Variants in RIMS2 observed in about 807,000 individuals in gnomAD.
RIMS2 encodes the protein regulating synaptic membrane exocytosis protein 2.
Under a neutral mutation model 174.4 loss-of-function variants are expected in RIMS2, and 59 were observed. That is an observed-to-expected ratio of 0.34 (90% CI 0.27 to 0.42). RIMS2 has a LOEUF of 0.42. RIMS2 is among the 10% of genes least tolerant of loss of function. RIMS2 has a pLI of 1.00. For synonymous variants in RIMS2, 606 were observed against 572.5 expected (o/e 1.06, Z -0.84); for missense variants, 1,620 against 1,666.3 (o/e 0.97, Z 0.48).
At chr8:103,996,328 G>A (rs2095096402) in intron 17 of RIMS2, among the ~76,000 whole-genome samples, 1 of 151,754 alleles carries the variant, frequency 6.6e-6, no homozygotes, top group African/African-American at 2.4e-5. Context: ...ACCACTGCTT[G>A]AACCTCCTCG....
At chr8:103,749,499 ATAG>A (rs1299488934) in intron 2 of RIMS2, among the ~76,000 whole-genome samples, 1 of 151,930 alleles carries the variant, frequency 6.6e-6, no homozygotes, top group African/African-American at 2.4e-5. Context: ...TTTTTGGTAC[ATAG>A]TAGGTGTATA....
intron 19 of RIMS2, chr8:104,094,694 G>A: frequency 1.4e-6 from 1 of 694,138 alleles, no homozygotes; most frequent in Non-Finnish European, 2.6e-6. Context: ...GGAATAAAGA[G>A]GATTTGCAAA....
At chr8:104,054,646 A>G (rs1181766518) in intron 19 of RIMS2, among the ~76,000 whole-genome samples, 4 of 152,186 alleles carry the variant, frequency 2.6e-5, no homozygotes, top group Admixed American at 6.5e-5. Context: ...GCTGATCACC[A>G]TGGATATAAG....
At chr8:104,014,639 C>T (rs540291258) in intron 19 of RIMS2, 24 bp downstream of exon 21, 9 of 1,424,610 alleles carry the variant, frequency 6.3e-6, no homozygotes, top group East Asian at 2.3e-5. Flanking sequence ...CTAATTGTCT[C>T]GTTTAGGAAA....
At chr8:103,794,166 T>A (rs565282468) in intron 3 of RIMS2, among the ~76,000 whole-genome samples, 2 of 152,178 alleles carry the variant, frequency 1.3e-5, no homozygotes, top group Non-Finnish European at 2.9e-5. Context: ...AGCATCACAC[T>A]ACCTGACTTC....
At chr8:104,157,996 T>C (rs954388465) in intron 19 of RIMS2, among the ~76,000 whole-genome samples, 2 of 152,270 alleles carry the variant, frequency 1.3e-5, no homozygotes, top group South Asian at 2.1e-4. Flanking sequence ...ATGTGCCATG[T>C]TGGTTTGCTG....
At chr8:103,932,786 G>A (rs2080258325) in intron 12 of RIMS2, among the ~76,000 whole-genome samples, 1 of 152,128 alleles carries the variant, frequency 6.6e-6, no homozygotes, top group Non-Finnish European at 1.5e-5. Context: ...TCTAGGCTGG[G>A]TGCAGTGGCT....
In RIMS2 at chr8:103,734,014, C is replaced by CTTTTTTTTTTTTTTTT. The variant is rs59348302; in HGVS notation, c.388-32203_388-32188dup. Reference sequence around the variant, plus strand: ...CTTGCTTTACCTCTCCTAAAAGCTTCTTTTTTTTTTTTTTTTTTTTTTTTT... The same window carrying CTTTTTTTTTTTTTTTT: ...CTTGCTTTACCTCTCCTAAAAGCTTCTTTTTTTTTTTTTTTTTTTTTTTTTTTTTTTTTTTTTTTTT... On this transcript the variant is annotated intron_variant, in intron 2 of 23. Transcript: ENST00000504942. Among the ~76,000 whole-genome samples, 21 of 85,732 alleles carry CTTTTTTTTTTTTTTTT rather than the reference C, an allele frequency of 2.4e-4. 1 individual carries two copies. Among genetic ancestry groups the CTTTTTTTTTTTTTTTT allele is most frequent in the African/African-American group, 9.1e-4 (17 of 18,584 alleles). The allele number at this position is 85,732 out of a possible 152,430, so 56.2% of individuals were successfully genotyped here.
chr8:103,512,868 A>G (rs573598310), intron 1 of RIMS2, among the ~76,000 whole-genome samples: 1 of 152,340 alleles, frequency 6.6e-6, no homozygotes, highest in East Asian at 1.9e-4. Context: ...TTTACTTCTG[A>G]ACCAGTGAAC....
intron 15 of RIMS2, among the ~76,000 whole-genome samples, chr8:103,969,061 A>G (rs1217268290): frequency 1.1e-4 from 17 of 152,172 alleles, no homozygotes; most frequent in Non-Finnish European, 2.9e-5. Flanking sequence ...TGGCTTCTCT[A>G]GAGAACTCAT....
intron 19 of RIMS2, among the ~76,000 whole-genome samples, chr8:104,030,817 C>T (rs890700342): frequency 4.6e-5 from 7 of 151,936 alleles, no homozygotes; most frequent in African/African-American, 1.7e-4. Context: ...TCCTTCTTAC[C>T]TACTTTGTTT....
chr8:103,977,415 A>G (rs2093543543), intron 16 of RIMS2: 1 of 152,216 alleles, frequency 6.6e-6, no homozygotes, highest in African/African-American at 2.4e-5. Context: ...TAACTTTAAT[A>G]AATTGAACCC....
chr8:103,588,524 G>A (rs1350581842), intron 1 of RIMS2, among the ~76,000 whole-genome samples: 1 of 151,874 alleles, frequency 6.6e-6, no homozygotes, highest in Non-Finnish European at 1.5e-5. Flanking sequence ...TACAGATATA[G>A]TAACAAAAAC....
intron 3 of RIMS2, among the ~76,000 whole-genome samples, chr8:103,816,308 C>G (rs558638455): frequency 4.6e-5 from 7 of 152,220 alleles, no homozygotes; most frequent in Admixed American, 3.9e-4. Context: ...AGTCCTGTGG[C>G]GGTTTCCTAT....
chr8:103,610,674 A>G (rs1477441668), intron 1 of RIMS2, among the ~76,000 whole-genome samples: 2 of 152,196 alleles, frequency 1.3e-5, no homozygotes, highest in Admixed American at 1.3e-4. Flanking sequence ...TCCCACGGCT[A>G]AAACCAATTT....
chr8:103,742,140 T>C (rs2097767933), intron 2 of RIMS2, among the ~76,000 whole-genome samples: 1 of 152,106 alleles, frequency 6.6e-6, no homozygotes, highest in Non-Finnish European at 1.5e-5. Flanking sequence ...ATGTAGGCTT[T>C]AAAGTATAAG....
chr8:104,009,658 C>G (rs1002319262), intron 17 of RIMS2, among the ~76,000 whole-genome samples: 1 of 152,034 alleles, frequency 6.6e-6, no homozygotes, highest in Non-Finnish European at 1.5e-5. Context: ...CTTGCCCAAA[C>G]CTGAGACCAT....
intron 19 of RIMS2, among the ~76,000 whole-genome samples, chr8:104,221,210 C>T (rs1479990204): frequency 6.6e-6 from 1 of 152,038 alleles, no homozygotes; most frequent in African/African-American, 2.4e-5. Context: ...CAAACTTTTT[C>T]AAAAGTGAGA....
At position 104,204,684 on chromosome 8, in the gene RIMS2, G is replaced by A. The variant is rs2099071523; in HGVS notation, c.3335-40232G>A. On this transcript the variant is annotated intron_variant, in intron 19 of 23. Coordinates refer to ENST00000504942, the Ensembl canonical transcript of RIMS2. ...TGACATTTTTAGCAAATCTATGAGTGTGTTTTGTTTGAGGAAAGAGAGAAG... is the reference window on the plus strand; with the variant it reads ...TGACATTTTTAGCAAATCTATGAGTATGTTTTGTTTGAGGAAAGAGAGAAG... Among the ~76,000 whole-genome samples, 3 of 152,150 alleles carry A rather than the reference G, an allele frequency of 2.0e-5. No individual in the cohort carries two copies. The South Asian group carries it at 6.2e-4, about 31-fold the overall frequency.
Sources: allele counts gnomAD v4.1 joint callset (sites outside exome capture counted in the v4.1 genomes callset), GRCh38; gene constraint gnomAD v4.1.1; transcripts MANE v1.5; gene names NCBI Gene and HGNC (gene_info 2026-07-23, HGNC 2026-07-21).